FCHSD2: variants seen among roughly 807,000 people sequenced by gnomAD.
FCHSD2 encodes FCH and double SH3 domains 2.
A neutral mutation model predicts 108.1 loss-of-function variants in FCHSD2; 38 were observed. That is an observed-to-expected ratio of 0.35 (90% CI 0.27 to 0.46). FCHSD2 has a LOEUF of 0.46. Among genes scored for constraint, FCHSD2 ranks in the 20% least tolerant of loss-of-function variants. The pLI is 1.00. For synonymous variants in FCHSD2, 279 were observed against 314.7 expected, an observed-to-expected ratio of 0.89 and a Z score of 1.20; for missense variants, 751 against 897.8, an observed-to-expected ratio of 0.84 and a Z score of 2.09.
At chr11:73,107,294 C>CAGCT (rs1286955742) in intron 2 of FCHSD2, among the ~76,000 whole-genome samples, 4 of 152,244 alleles carry the variant, frequency 2.6e-5, no homozygotes, top group African/African-American at 9.6e-5. Context: ...GTGATCTGCC[C>CAGCT]AGCTCGGCCT....
At chr11:73,077,231 T>G (rs779551396) in intron 3 of FCHSD2, among the ~76,000 whole-genome samples, 2 of 151,714 alleles carry the variant, frequency 1.3e-5, no homozygotes, top group Admixed American at 6.6e-5. Flanking sequence ...ACAACCCAAT[T>G]TAAAAAAAAA....
intron 3 of FCHSD2, among the ~76,000 whole-genome samples, chr11:73,016,858 C>A (rs568129286): frequency 6.6e-6 from 1 of 152,334 alleles, no homozygotes; most frequent in South Asian, 2.1e-4. Context: ...GAATGTTTAT[C>A]TATAACAGGT....
intron 9 of FCHSD2, among the ~76,000 whole-genome samples, chr11:72,909,170 G>C (rs1316220012): frequency 6.6e-6 from 1 of 151,976 alleles, no homozygotes; most frequent in East Asian, 1.9e-4. Flanking sequence ...CTGAGTGTCT[G>C]GGATTGCAGG....
chr11:73,057,739 A>C (rs534321714), intron 3 of FCHSD2, among the ~76,000 whole-genome samples: 1 of 152,310 alleles, frequency 6.6e-6, no homozygotes, highest in South Asian at 2.1e-4. Context: ...AATCAAGCTC[A>C]GTCCCTAACC....
At chr11:73,059,427 T>C (rs1859110229) in intron 3 of FCHSD2, among the ~76,000 whole-genome samples, 1 of 152,182 alleles carries the variant, frequency 6.6e-6, no homozygotes, top group African/African-American at 2.4e-5. Context: ...GTCAGATAAG[T>C]GTTAGCCATC....
intron 14 of FCHSD2, among the ~76,000 whole-genome samples, chr11:72,847,395 A>G (rs961203549): frequency 5.9e-5 from 9 of 152,166 alleles, no homozygotes; most frequent in Admixed American, 3.9e-4. Context: ...TCATTCCACA[A>G]TTATTTACTA....
chr11:72,842,624 A>G lies in FCHSD2; in HGVS notation c.1923T>C (p.Ile641=). 1 of 1,614,006 alleles carries G rather than the reference A, an allele frequency of 6.2e-7. No individual in the cohort carries two copies. Among genetic ancestry groups the G allele is most frequent in the Non-Finnish European group, 8.5e-7 (1 of 1,179,898 alleles). ...AACTGTCTCCCCTCTCAGGTACCTG[A>G]ATCTCTCTCATCCATGGAGTGTCAC... ...ENGDTPWMRE[I]QISPSPKPHA... The change falls in exon 17 of 20, where the codon ATT becomes ATC. Residue 641 remains isoleucine (I), a synonymous_variant. Coordinates refer to ENST00000409418, the MANE Select transcript of FCHSD2 (RefSeq NM_014824.3).
Position 72,843,487 on chromosome 11 carries a change from C to T in FCHSD2, c.1489G>A (p.Glu497Lys), listed in dbSNP as rs1412040828. The T allele has an allele frequency of 6.2e-7, 1 of 1,613,886 alleles. No homozygotes were observed. The highest frequency in any genetic ancestry group is 1.1e-5 in the South Asian group (1 of 91,078). ...TCCATATCTCCATCTTCAATCACTT[C>T]TAACACCTCATGTTCCTCAATGGTC... ...ELTIEEHEVLEVIEDGDMEDW... is the reference protein window; with the variant it reads ...ELTIEEHEVLKVIEDGDMEDW... The change falls in exon 15 of 20, where the codon GAA becomes AAA. Residue 497 changes from glutamate to lysine, a missense_variant. Coordinates refer to ENST00000409418, the MANE Select transcript of FCHSD2 (RefSeq NM_014824.3).
At chr11:73,066,334 T>C (rs936674711) in intron 3 of FCHSD2, among the ~76,000 whole-genome samples, 6 of 152,220 alleles carry the variant, frequency 3.9e-5, no homozygotes, top group African/African-American at 9.6e-5. Flanking sequence ...TTACACCTTA[T>C]ACAAAAATCA....
chr11:72,933,871 G>A (rs1458963867), intron 8 of FCHSD2, among the ~76,000 whole-genome samples: 1 of 152,058 alleles, frequency 6.6e-6, no homozygotes, highest in Non-Finnish European at 1.5e-5. Context: ...CACTTTTGGA[G>A]GCTTAGGTGG....
intron 3 of FCHSD2, among the ~76,000 whole-genome samples, chr11:73,039,517 C>CAAAAA (rs398115498): frequency 7.2e-6 from 1 of 139,610 alleles, no homozygotes. Context: ...ACTCCGTCTC[C>CAAAAA]AAAAAAAAAA....
intron 13 of FCHSD2, among the ~76,000 whole-genome samples, chr11:72,858,366 C>T (rs1861480826): frequency 6.6e-6 from 1 of 152,192 alleles, no homozygotes; most frequent in Admixed American, 6.5e-5. Context: ...TGAAATAAAC[C>T]TAAATGCCCA....
At chr11:72,916,286 C>G (rs538124036) in intron 9 of FCHSD2, among the ~76,000 whole-genome samples, 12 of 149,032 alleles carry the variant, frequency 8.1e-5, no homozygotes, top group African/African-American at 3.0e-4. Flanking sequence ...TTTCATTGAC[C>G]TTTTGGTACA....
intron 9 of FCHSD2, among the ~76,000 whole-genome samples, chr11:72,906,085 T>C (rs935390389): frequency 9.9e-5 from 15 of 152,220 alleles, no homozygotes; most frequent in Non-Finnish European, 1.9e-4. Flanking sequence ...TTTCTCCACA[T>C]CCTCTCCAGC....
At chr11:72,899,166 C>A (rs1468966600) in intron 10 of FCHSD2, among the ~76,000 whole-genome samples, 4 of 152,158 alleles carry the variant, frequency 2.6e-5, no homozygotes, top group Non-Finnish European at 5.9e-5. Context: ...AAATGTCTAG[C>A]ACGAAATAAA....
intron 3 of FCHSD2, among the ~76,000 whole-genome samples, chr11:73,045,301 C>A (rs1423081475): frequency 6.6e-6 from 1 of 150,434 alleles, no homozygotes; most frequent in Non-Finnish European, 1.5e-5. Flanking sequence ...GAAATAGGAA[C>A]ACTTTTACAC....
intron 2 of FCHSD2, among the ~76,000 whole-genome samples, chr11:73,099,343 T>C (rs553179311): frequency 6.6e-6 from 1 of 152,320 alleles, no homozygotes; most frequent in East Asian, 1.9e-4. Context: ...CCCTCATGCA[T>C]TGCTGGTGAG....
chr11:72,961,371 GTA>G (rs1363276821), intron 8 of FCHSD2, among the ~76,000 whole-genome samples: 1 of 151,872 alleles, frequency 6.6e-6, no homozygotes, highest in African/African-American at 2.4e-5. Context: ...CTACAGATGT[GTA>G]CCATCATGCC....
At position 72,992,704 on chromosome 11, in the gene FCHSD2, T is replaced by C. The variant is rs1326876339; in HGVS notation, c.388-3607A>G. On this transcript the variant is annotated intron_variant, in intron 5 of 19. Coordinates refer to ENST00000409418, the MANE Select transcript of FCHSD2 (RefSeq NM_014824.3). ...TGGTGCTGGGAATACTGGCTAGCCA[T>C]ATGTAGAAAGCTGAAACTGGATCCC... Among the ~76,000 whole-genome samples, 26 of 152,326 alleles carry C rather than the reference T, an allele frequency of 1.7e-4. No individual in the cohort carries two copies. In the South Asian group the frequency reaches 5.2e-3, roughly 30 times the overall value.
Sources: allele counts gnomAD v4.1 joint callset (sites outside exome capture counted in the v4.1 genomes callset), GRCh38; gene constraint gnomAD v4.1.1; transcripts MANE v1.5; gene names NCBI Gene and HGNC (gene_info 2026-07-23, HGNC 2026-07-21).